The following CENPF variants were observed in gnomAD, a reference collection of about 807,000 sequenced individuals.
The protein encoded by CENPF is centromere protein F.
CENPF carries 214 observed loss-of-function variants against 307.3 expected under a neutral mutation model. The ratio of observed to expected loss-of-function variants is 0.70; its 90% CI spans 0.62 to 0.78. The LOEUF is 0.78. CENPF is among the 30% of genes least tolerant of loss of function. The pLI is 0.00. For missense variants in CENPF, 3,401 were observed against 3,483.9 expected (o/e 0.98, Z 0.60); for synonymous variants, 1,259 against 1,270.6 (o/e 0.99, Z 0.19).
chr1:214,640,739 AT>A lies in CENPF; in HGVS notation c.2403del (p.Ile801MetfsTer16). ...PAMHHSFANI[I>X]GEQGSMPSER... ...CATGCATCATTCCTTTGCAAATATA[AT>A]TGGAGAACAAGGAAGCATGCCTTCA... On this transcript the variant is annotated frameshift_variant, in exon 12 of 20. Transcript: ENST00000366955. LOFTEE classifies it high-confidence loss of function. The A allele has an allele frequency of 6.2e-7, 1 of 1,614,136 alleles. No individual in the cohort carries two copies.
At chr1:214,634,458 A>T (rs2666830) in intron 10 of CENPF, among the ~76,000 whole-genome samples, 1 of 152,178 alleles carries the variant, frequency 6.6e-6, no homozygotes, top group Non-Finnish European at 1.5e-5. Flanking sequence ...GCCACCTACC[A>T]CAATGTGACC....
In CENPF at chr1:214,658,894, C is replaced by G; in HGVS notation, c.9007C>G (p.Arg3003Gly). 1.2e-6 allele frequency: 2 copies of G among 1,614,076 alleles called. No individual in the cohort carries two copies. Among genetic ancestry groups the G allele is most frequent in the Middle Eastern group, 1.7e-4 (1 of 6,060 alleles). Residue 3003 changes from arginine (R) to glycine (G), a missense_variant, in exon 19 of 20, where the codon CGA (arginine) becomes GGA (glycine). Coordinates refer to ENST00000366955, the MANE Select transcript of CENPF (RefSeq NM_016343.4). ...PTGKTSPYIL[R>G]RTTMATRTSP... Reference sequence around the variant, plus strand: ...AGGAAAGACTAGCCCATATATCCTGCGAAGAACAACCATGGCAACTCGGAC... The same window carrying G: ...AGGAAAGACTAGCCCATATATCCTGGGAAGAACAACCATGGCAACTCGGAC...
At chr1:214,635,925 C>T (rs138919407) in intron 10 of CENPF, among the ~76,000 whole-genome samples, 26 of 152,294 alleles carry the variant, frequency 1.7e-4, no homozygotes, top group Non-Finnish European at 3.7e-4. Context: ...CCTAGTTTTG[C>T]ACAGTGTCTT....
At position 214,658,995 on chromosome 1, in the gene CENPF, C is replaced by T; in HGVS notation, c.9108C>T (p.Ser3036=). Residue 3036 remains serine, a synonymous_variant, in exon 19 of 20, where the codon TCC becomes TCT. Transcript: ENST00000366955. The part of the protein sequence containing the change: ...SLGKENLAES[S]KPTAGGSRSQ... The stretch of plus-strand genomic sequence containing the variant: ...GCAAAGAAAATCTTGCAGAGTCCTC[C>T]AAACCAACAGCTGGTGGCAGCAGAT... The T allele has an allele frequency of 6.2e-7, 1 of 1,614,074 alleles. No homozygotes were observed. The highest frequency in any genetic ancestry group is 1.1e-5 in the South Asian group (1 of 91,076).
At chr1:214,638,478 A>G (rs1483085408) in intron 11 of CENPF, among the ~76,000 whole-genome samples, 1 of 152,072 alleles carries the variant, frequency 6.6e-6, no homozygotes, top group Non-Finnish European at 1.5e-5. Context: ...TTATTTTCTT[A>G]TTTTAAAGCC....
At chr1:214,647,932 A>G (rs919702886) in intron 13 of CENPF, 4 of 487,186 alleles carry the variant, frequency 8.2e-6, no homozygotes, top group Non-Finnish European at 1.7e-5. Context: ...AGTCCCTCTT[A>G]TACCTTCTCT....
At chr1:214,639,891 C>T (rs907289828) in intron 11 of CENPF, 30 bp from the exon 12 acceptor site, 3 of 1,437,054 alleles carry the variant, frequency 2.1e-6, no homozygotes, top group Non-Finnish European at 2.7e-6. Flanking sequence ...TTATTACAAA[C>T]ATTGACGACT....
Position 214,640,276 on chromosome 1 carries a change from C to A in CENPF, c.1938C>A (p.His646Gln). 1 of 1,613,936 alleles carries A rather than the reference C, an allele frequency of 6.2e-7. No individual in the cohort carries two copies. Among genetic ancestry groups the A allele is most frequent in the Non-Finnish European group, 8.5e-7 (1 of 1,179,982 alleles). ...EKENLQSKIN[H>Q]LETCLKTQQI... is the part of the protein sequence containing the mutation. The stretch of plus-strand genomic sequence containing the variant: ...AAAACTTGCAGAGTAAAATTAATCA[C>A]TTGGAAACTTGTCTGAAGACACAGC... Residue 646 changes from histidine to glutamine, a missense_variant, in exon 12 of 20, where the codon CAC becomes CAA. By Grantham distance (24) the His-to-Gln change is conservative. Transcript: ENST00000366955.
chr1:214,661,610 TG>T (rs1222961966), intron 19 of CENPF, among the ~76,000 whole-genome samples: 1 of 152,156 alleles, frequency 6.6e-6, no homozygotes, highest in African/African-American at 2.4e-5. Flanking sequence ...GTCACTGGGA[TG>T]GATTAGCTCA....
At chr1:214,609,877 C>G (rs1483342466) in intron 1 of CENPF, among the ~76,000 whole-genome samples, 6 of 152,142 alleles carry the variant, frequency 3.9e-5, no homozygotes, top group Admixed American at 2.6e-4. Flanking sequence ...TGATCTCATT[C>G]TTTTTTATGG....
At chr1:214,637,070 T>C (rs776026476) in intron 10 of CENPF, among the ~76,000 whole-genome samples, 2 of 152,232 alleles carry the variant, frequency 1.3e-5, no homozygotes, top group African/African-American at 4.8e-5. Flanking sequence ...GTACCTGTGT[T>C]ACTTTATTGC....
At chr1:214,658,758 AT>A (rs1164318251) in intron 18 of CENPF, 91 bp from the exon 19 acceptor site, 2 of 1,310,658 alleles carry the variant, frequency 1.5e-6, no homozygotes, top group Non-Finnish European at 2.1e-6. Flanking sequence ...TGGAGTTTGC[AT>A]TATCCTTGTT....
chr1:214,623,659 T>C (rs1657576077), intron 7 of CENPF, among the ~76,000 whole-genome samples: 1 of 152,134 alleles, frequency 6.6e-6, no homozygotes, highest in South Asian at 2.1e-4. Context: ...TTCACAAGCA[T>C]GTATTGATAT....
Position 214,646,460 on chromosome 1 carries a change from A to T in CENPF, c.6890A>T (p.His2297Leu). 6.2e-7 allele frequency: 1 copy of T among 1,614,138 alleles called. No homozygotes were observed. The highest frequency in any genetic ancestry group is 8.5e-7 in the Non-Finnish European group (1 of 1,180,008). Residue 2297 changes from histidine to leucine, a missense_variant, in exon 13 of 20, where the codon CAT becomes CTT. His to Leu is a moderately conservative substitution (Grantham distance 99). Transcript: ENST00000366955. ...CTAGACCCACCAATAGAGGAAGAGCATCAGCTGAGAAATAGCATTGAAAAG... is the reference window on the plus strand; with the variant it reads ...CTAGACCCACCAATAGAGGAAGAGCTTCAGCTGAGAAATAGCATTGAAAAG... Reference protein sequence around the residue: ...QSLDPPIEEEHQLRNSIEKLR... With the variant: ...QSLDPPIEEELQLRNSIEKLR...
chr1:214,663,087 T>C (rs1658827944), intron 19 of CENPF, among the ~76,000 whole-genome samples: 1 of 152,254 alleles, frequency 6.6e-6, no homozygotes, highest in Admixed American at 6.5e-5. Context: ...GTTAGATAGC[T>C]GCCCTTCTGC....
intron 1 of CENPF, among the ~76,000 whole-genome samples, chr1:214,612,000 A>C (rs1429095608): frequency 2.0e-5 from 3 of 152,162 alleles, no homozygotes; most frequent in African/African-American, 7.2e-5. Context: ...TGCTCTGGCC[A>C]GGACTTCCAA....
In CENPF at chr1:214,640,820, C is replaced by A; in HGVS notation, c.2482C>A (p.Leu828Ile). The change falls in exon 12 of 20, where the codon CTA (leucine) becomes ATA (isoleucine). Residue 828 changes from leucine to isoleucine, a missense_variant. Physicochemically the swap from Leu to Ile is conservative, Grantham distance 5. Coordinates refer to ENST00000366955, the MANE Select transcript of CENPF (RefSeq NM_016343.4). ...CCAAAGTCCGAAAAATTCTGCCATCCTACAAAATAGAGTTGATTCACTTGA... is the reference window on the plus strand; with the variant it reads ...CCAAAGTCCGAAAAATTCTGCCATCATACAAAATAGAGTTGATTCACTTGA... ...ADQSPKNSAILQNRVDSLEFS... is the reference protein window; with the variant it reads ...ADQSPKNSAIIQNRVDSLEFS... The A allele has an allele frequency of 6.2e-7, 1 of 1,606,216 alleles. No individual in the cohort carries two copies.
chr1:214,645,176 A>G lies in CENPF; in HGVS notation c.5606A>G (p.Asp1869Gly). 6.2e-7 allele frequency: 1 copy of G among 1,614,056 alleles called. No individual in the cohort carries two copies. The highest frequency in any genetic ancestry group is 8.5e-7 in the Non-Finnish European group (1 of 1,180,000). ...RVETSEGLNS[D>G]LEMHADKSSR... The stretch of plus-strand genomic sequence containing the variant: ...GAAACTTCTGAAGGCCTCAATTCTG[A>G]TTTAGAAATGCATGCAGATAAATCA... Residue 1869 changes from aspartate to glycine, a missense_variant, in exon 13 of 20, where the codon GAT becomes GGT. Physicochemically the swap from Asp to Gly is moderately conservative, Grantham distance 94 (BLOSUM62 -1). Coordinates refer to ENST00000366955, the MANE Select transcript of CENPF (RefSeq NM_016343.4).
intron 8 of CENPF, among the ~76,000 whole-genome samples, chr1:214,629,670 G>A (rs888830255): frequency 1.3e-5 from 2 of 152,050 alleles, no homozygotes; most frequent in African/African-American, 4.8e-5. Context: ...TCCTGCCTCA[G>A]CCTCCCGAGG....
Sources: allele counts gnomAD v4.1 joint callset (sites outside exome capture counted in the v4.1 genomes callset), GRCh38; gene constraint gnomAD v4.1.1; transcripts MANE v1.5; gene names NCBI Gene and HGNC (gene_info 2026-07-23, HGNC 2026-07-21).